Variants in LOXHD1 observed in about 807,000 individuals in gnomAD.
LOXHD1 encodes the protein lipoxygenase homology domain-containing protein 1.
In LOXHD1, 205 loss-of-function variants were observed where a neutral mutation model predicts 248.2. The ratio of observed to expected loss-of-function variants is 0.83; its 90% CI spans 0.74 to 0.93. The LOEUF (loss-of-function observed/expected upper bound fraction) is 0.93. LOXHD1 is among the 40% of genes least tolerant of loss of function. The pLI, the probability that LOXHD1 is intolerant of heterozygous loss-of-function variation, is 0.00. For missense variants in LOXHD1, 2,930 were observed against 2,971.6 expected, an observed-to-expected ratio of 0.99 and a Z score of 0.33; for synonymous variants, 1,113 against 1,162.8, an observed-to-expected ratio of 0.96 and a Z score of 0.87.
intron 34 of LOXHD1, among the ~76,000 whole-genome samples, chr18:46,510,719 T>C (rs985442019): frequency 3.9e-5 from 6 of 152,194 alleles, no homozygotes; most frequent in African/African-American, 1.2e-4. Context: ...ATATTGCAAA[T>C]TGAGAACTAA....
chr18:46,527,848 A>G (rs1265825534), intron 29 of LOXHD1, among the ~76,000 whole-genome samples: 2 of 152,202 alleles, frequency 1.3e-5, no homozygotes, highest in Non-Finnish European at 1.5e-5. Context: ...CTAATTAGCA[A>G]TCATATTACT....
rs2032783204 is a variant in LOXHD1, at chr18:46,483,701, T to C, written c.6227A>G (p.Asp2076Gly). 1 of 1,551,304 alleles carries C rather than the reference T, an allele frequency of 6.4e-7. No individual in the cohort carries two copies. The highest frequency in any genetic ancestry group is 1.4e-5 in the African/African-American group (1 of 72,912). The change falls in exon 40 of 41, where the codon GAC becomes GGC. Residue 2076 changes from aspartate to glycine, a missense_variant. Physicochemically the swap from Asp to Gly is moderately conservative, Grantham distance 94. Coordinates refer to ENST00000642948, the MANE Select transcript of LOXHD1 (RefSeq NM_001384474.1). Reference sequence around the variant, plus strand: ...GTGGCCCACACAGAGGGAGGCAATGTCCCCCAAGTAGATGCTGTCAAACTC... The same window carrying C: ...GTGGCCCACACAGAGGGAGGCAATGCCCCCCAAGTAGATGCTGTCAAACTC... ...TFEFDSIYLG[D>G]IASLCVGHLA...
At position 46,532,581 on chromosome 18, in the gene LOXHD1, G is replaced by GGAGT. The variant is rs1555672385; in HGVS notation, c.4375+577_4375+580dup. On this transcript the variant is annotated intron_variant, in intron 28 of 40. Transcript: ENST00000642948. ...AAAAGCAAAGGAGGAGGAAGTACAA[G>GGAGT]GAGTGGCCAGTCTGATGCAAATCCT... Among the ~76,000 whole-genome samples, 661 of 152,186 alleles carry GGAGT rather than the reference G, an allele frequency of 4.3e-3. 3 individuals carry two copies. The highest frequency in any genetic ancestry group is 0.015 in the African/African-American group (624 of 41,500).
rs1205241528 is a variant in LOXHD1 at position 46,522,187 on chromosome 18, G to T, written c.4999C>A (p.Pro1667Thr). The T allele has an allele frequency of 6.4e-7, 1 of 1,551,596 alleles. No individual in the cohort carries two copies. Among genetic ancestry groups the T allele is most frequent in the Non-Finnish European group, 8.7e-7 (1 of 1,147,010 alleles). The change falls in exon 32 of 41, where the codon CCC (proline) becomes ACC (threonine). Residue 1667 changes from proline (P) to threonine (T), a missense_variant. By Grantham distance (38) the Pro-to-Thr change is conservative. Transcript: ENST00000642948. ...CGGCTGAAGCCCCTCTTCCCTCGGG[G>T]GTAGTCCAACCAGATGCGCTTACTA... ...ERSKRIWLDY[P>T]RGKRGFSRGS...
At position 46,477,711 on chromosome 18, in the gene LOXHD1, G is replaced by A. The variant is rs778739062; in HGVS notation, c.6583C>T (p.Arg2195Cys). Residue 2195 changes from arginine to cysteine, a missense_variant, in exon 41 of 41, where the codon CGC becomes TGC. Physicochemically the swap from Arg to Cys is radical, Grantham distance 180. Transcript: ENST00000642948. Reference protein sequence around the residue: ...TGKRELKQKMRNLFERGSTDR... With the variant: ...TGKRELKQKMCNLFERGSTDR... ...GTGCTGCCCCGCTCGAAGAGGTTGC[G>A]CATTTTCTGCTTCAGCTCCCGCTTG... 37 of 1,551,780 alleles carry A rather than the reference G, an allele frequency of 2.4e-5. No individual in the cohort carries two copies. Among genetic ancestry groups the A allele is most frequent in the South Asian group, 1.8e-4 (15 of 84,066 alleles).
chr18:46,520,358 G>C (rs1219199842), intron 33 of LOXHD1: 2 of 470,194 alleles, frequency 4.3e-6, no homozygotes, highest in Admixed American at 4.7e-5. Flanking sequence ...CAGTACCAGA[G>C]ATAAGGGCTG....
At chr18:46,613,991 G>A (rs1490583764) in intron 5 of LOXHD1, among the ~76,000 whole-genome samples, 2 of 152,168 alleles carry the variant, frequency 1.3e-5, no homozygotes, top group East Asian at 1.9e-4. Flanking sequence ...CTGGCCATCA[G>A]AGAAATGCAA....
chr18:46,522,208 T>A lies in LOXHD1; in HGVS notation c.4978A>T (p.Lys1660Ter). 2 of 1,551,784 alleles carry A rather than the reference T, an allele frequency of 1.3e-6. No individual in the cohort carries two copies. The highest frequency in any genetic ancestry group is 1.7e-6 in the Non-Finnish European group (2 of 1,147,016). ...CGGGGGTAGTCCAACCAGATGCGCT[T>A]ACTACGTTCATCATCCTCCCCGATG... ...FLIGEDDERS[K>*]RIWLDYPRGK... Residue 1660 changes from lysine to a stop codon, truncating the protein, a stop_gained, in exon 32 of 41, where the codon AAG becomes TAG. Coordinates refer to ENST00000642948, the MANE Select transcript of LOXHD1 (RefSeq NM_001384474.1). LOFTEE classifies it high-confidence loss of function.
chr18:46,511,253 G>T (rs2034944360), intron 34 of LOXHD1, among the ~76,000 whole-genome samples: 1 of 152,144 alleles, frequency 6.6e-6, no homozygotes, highest in Non-Finnish European at 1.5e-5. Flanking sequence ...GCCCTTATTT[G>T]TCCTTCAGTC....
chr18:46,513,521 T>C (rs955954305), intron 34 of LOXHD1, among the ~76,000 whole-genome samples: 2 of 152,140 alleles, frequency 1.3e-5, no homozygotes, highest in African/African-American at 2.4e-5. Flanking sequence ...GATCAACACA[T>C]ACACAAAAGA....
At chr18:46,595,825 G>A (rs1299446872) in intron 8 of LOXHD1, among the ~76,000 whole-genome samples, 1 of 152,168 alleles carries the variant, frequency 6.6e-6, no homozygotes, top group African/African-American at 2.4e-5. Flanking sequence ...TCCTGCAGAT[G>A]TTTCCTCGTT....
chr18:46,580,304 A>G (rs993377169), intron 12 of LOXHD1, among the ~76,000 whole-genome samples: 5 of 152,210 alleles, frequency 3.3e-5, no homozygotes, highest in African/African-American at 1.2e-4. Context: ...TCCAACTTCT[A>G]TGTGTTCTCA....
At chr18:46,625,682 A>G (rs1391461520) in intron 4 of LOXHD1, among the ~76,000 whole-genome samples, 2 of 152,266 alleles carry the variant, frequency 1.3e-5, no homozygotes, top group East Asian at 1.9e-4. Flanking sequence ...GGAACTGTCC[A>G]ATGTAAGTCT....
chr18:46,639,575 A>G (rs2038936356), intron 4 of LOXHD1, 41 bp downstream of exon 4: 3 of 1,529,590 alleles, frequency 2.0e-6, no homozygotes, highest in African/African-American at 1.4e-5. Context: ...AGCCCAGCCC[A>G]GCTAGGGAGG....
intron 8 of LOXHD1, among the ~76,000 whole-genome samples, chr18:46,598,193 T>A (rs1041504685): frequency 2.0e-5 from 3 of 152,138 alleles, no homozygotes; most frequent in African/African-American, 4.8e-5. Flanking sequence ...GTGCACCAAC[T>A]TAATGAATAA....
Position 46,632,703 on chromosome 18 carries a change from C to A in LOXHD1, c.511+6913G>T, listed in dbSNP as rs2038841820. ...CTGGAGCAATTTGATAGCCAAGACT[C>A]TGTTCCCAGGGATAATAAATGCGGA... is the stretch of plus-strand genomic sequence containing the variant. On this transcript the variant is annotated intron_variant, in intron 4 of 40. Transcript: ENST00000642948. Among the ~76,000 whole-genome samples the A allele has an allele frequency of 6.6e-5, 10 of 152,270 alleles. 1 individual carries two copies. In the South Asian group the frequency reaches 2.1e-3, roughly 32 times the overall value.
In LOXHD1 at chr18:46,545,411, G is replaced by T; in HGVS notation, c.3525C>A (p.Thr1175=). ...CAGTCTTTATGGTCACTGAGAATGT[G>T]GTAGATTTATCTGCCAAGAGAATAG... ...NLALEQKDKS[T]TFSVTIKTGV... is the part of the protein sequence containing the mutation. Residue 1175 remains threonine, a synonymous_variant, in exon 23 of 41, where the codon ACC becomes ACA. Coordinates refer to ENST00000642948, the MANE Select transcript of LOXHD1 (RefSeq NM_001384474.1). 1 of 1,550,942 alleles carries T rather than the reference G, an allele frequency of 6.4e-7. No individual in the cohort carries two copies. The highest frequency in any genetic ancestry group is 8.7e-7 in the Non-Finnish European group (1 of 1,146,050).
intron 2 of LOXHD1, among the ~76,000 whole-genome samples, chr18:46,648,448 G>C (rs751690654): frequency 1.3e-5 from 2 of 152,132 alleles, no homozygotes; most frequent in Admixed American, 6.5e-5. Context: ...CAGACCAGCT[G>C]ATCAATTCTG....
At chr18:46,579,061 C>A (rs1359959862) in intron 13 of LOXHD1, among the ~76,000 whole-genome samples, 1 of 152,250 alleles carries the variant, frequency 6.6e-6, no homozygotes, top group African/African-American at 2.4e-5. Context: ...AGTTCTCCCA[C>A]CCCATCTTTA....
Sources: allele counts gnomAD v4.1 joint callset (sites outside exome capture counted in the v4.1 genomes callset), GRCh38; gene constraint gnomAD v4.1.1; transcripts MANE v1.5; gene names NCBI Gene and HGNC (gene_info 2026-07-23, HGNC 2026-07-21).